HDAC9: variants seen among roughly 807,000 people sequenced by gnomAD.
HDAC9 encodes MEF-2 interacting transcription repressor (MITR) protein.
Under a neutral mutation model 139.4 loss-of-function variants are expected in HDAC9, and 41 were observed. The observed-to-expected ratio is 0.29, with a 90% CI of 0.23 to 0.38. The LOEUF is 0.38. Among genes scored for constraint, HDAC9 ranks in the 10% least tolerant of loss-of-function variants. The pLI is 1.00. For missense variants in HDAC9, 1,147 were observed against 1,297.0 expected, an observed-to-expected ratio of 0.88 and a Z score of 1.78; for synonymous variants, 517 against 476.2, an observed-to-expected ratio of 1.09 and a Z score of -1.12.
At chr7:18,871,011 C>T (rs1415347008) in intron 21 of HDAC9, among the ~76,000 whole-genome samples, 1 of 152,158 alleles carries the variant, frequency 6.6e-6, no homozygotes, top group East Asian at 1.9e-4. Flanking sequence ...TCAGTTATTT[C>T]TGCCTTGTTC....
At chr7:18,836,355 C>T (rs2129211552) in intron 21 of HDAC9, among the ~76,000 whole-genome samples, 1 of 152,242 alleles carries the variant, frequency 6.6e-6, no homozygotes, top group South Asian at 2.1e-4. Flanking sequence ...TTTTGTTGAA[C>T]AAGCATTTCT....
intron 1 of HDAC9, among the ~76,000 whole-genome samples, chr7:18,294,552 AAG>A (rs1473743489): frequency 1.3e-5 from 2 of 152,122 alleles, no homozygotes; most frequent in African/African-American, 4.8e-5. Context: ...CTCTTTGAGA[AAG>A]AGAGTAAAGG....
intron 21 of HDAC9, among the ~76,000 whole-genome samples, chr7:18,841,583 G>C (rs1467134335): frequency 6.6e-6 from 1 of 152,126 alleles, no homozygotes; most frequent in African/African-American, 2.4e-5. Flanking sequence ...GGGCTTCTGA[G>C]GCAGCAAGTG....
chr7:18,463,429 A>T (rs1794015663), intron 1 of HDAC9, among the ~76,000 whole-genome samples: 1 of 151,942 alleles, frequency 6.6e-6, no homozygotes. Flanking sequence ...TTTTATGACT[A>T]TTCAAATACT....
chr7:18,274,644 T>C (rs1796600417), intron 2 of HDAC9, among the ~76,000 whole-genome samples: 1 of 152,134 alleles, frequency 6.6e-6, no homozygotes, highest in Admixed American at 6.6e-5. Context: ...AATGGATAAA[T>C]AATTTGAGAT....
intron 24 of HDAC9, among the ~76,000 whole-genome samples, chr7:18,968,434 T>C (rs1209864791): frequency 6.6e-6 from 1 of 151,950 alleles, no homozygotes; most frequent in Non-Finnish European, 1.5e-5. Flanking sequence ...CAGATAGAGA[T>C]AGAGAGATAT....
intron 2 of HDAC9, among the ~76,000 whole-genome samples, chr7:18,272,283 A>T (rs574753418): frequency 6.6e-6 from 1 of 152,288 alleles, no homozygotes; most frequent in South Asian, 2.1e-4. Flanking sequence ...AGCCTCCTGA[A>T]TGTATTTAGA....
intron 6 of HDAC9, among the ~76,000 whole-genome samples, chr7:18,604,611 G>T (rs1834932507): frequency 6.6e-6 from 1 of 151,914 alleles, no homozygotes; most frequent in African/African-American, 2.4e-5. Context: ...ATGTTAGCCA[G>T]GATGGTCTTG....
At position 18,845,626 on chromosome 7, in the gene HDAC9, A is replaced by C. The variant is rs558474424; in HGVS notation, c.2684+9629A>C. On this transcript the variant is annotated intron_variant, in intron 21 of 25. Coordinates refer to ENST00000686413, the MANE Select transcript of HDAC9 (RefSeq NM_178425.4). ...ACCAAAGTGTCATTTTAAGAACAAC[A>C]GAAGCAGAGCTGTTTGGTCTCATAG... Among the ~76,000 whole-genome samples the C allele has an allele frequency of 6.8e-4, 103 of 152,226 alleles. 1 individual carries two copies. In the Middle Eastern group the frequency reaches 0.034, roughly 50 times the overall value.
At chr7:18,755,830 T>A (rs1374781633) in intron 14 of HDAC9, among the ~76,000 whole-genome samples, 1 of 152,154 alleles carries the variant, frequency 6.6e-6, no homozygotes, top group East Asian at 1.9e-4. Context: ...AAATAAGTCG[T>A]AGTGACTGAA....
chr7:18,777,514 T>A lies in HDAC9; in HGVS notation c.2214+10359T>A, dbSNP rs1585019455. Among the ~76,000 whole-genome samples, 7 of 151,978 alleles carry A rather than the reference T, an allele frequency of 4.6e-5. No homozygotes were observed. The South Asian group carries it at 1.5e-3, about 31-fold the overall frequency. On this transcript the variant is annotated intron_variant, in intron 16 of 25. Transcript: ENST00000686413. ...TAGAATGGACCAAATAATGATGACG[T>A]CTCAATTTCTATATGCCCAGTTTCG...
At chr7:18,733,337 A>G (rs535730281) in intron 13 of HDAC9, among the ~76,000 whole-genome samples, 34 of 149,864 alleles carry the variant, frequency 2.3e-4, no homozygotes, top group African/African-American at 6.1e-4. Flanking sequence ...ATATATGTGT[A>G]TGTGTGTGTG....
chr7:18,980,151 A>G lies in HDAC9; in HGVS notation c.3170+4198A>G, dbSNP rs1784806069. 2.6e-5 allele frequency among the ~76,000 whole-genome samples: 4 copies of G among 152,042 alleles called. No individual in the cohort carries two copies. In the South Asian group the frequency reaches 8.3e-4, roughly 31 times the overall value. ...CCATCATTTTATCTCTATTTTCCCA[A>G]CGTGTCTAACATGTGGTCTTGAGGT... On this transcript the variant is annotated intron_variant, in intron 25 of 25. Transcript: ENST00000686413.
chr7:18,587,204 AGG>A (rs1829723104), intron 3 of HDAC9, among the ~76,000 whole-genome samples: 1 of 152,186 alleles, frequency 6.6e-6, no homozygotes, highest in African/African-American at 2.4e-5. Context: ...TTTACTCAAA[AGG>A]TAATAGTAGC....
chr7:18,162,767 C>T (rs1787727231), intron 2 of HDAC9: 1 of 176,738 alleles, frequency 5.7e-6, no homozygotes, highest in Admixed American at 5.9e-5. Context: ...ATCTCTTTGA[C>T]ACACAGGAAG....
At chr7:18,507,487 C>T (rs970467741) in intron 2 of HDAC9, among the ~76,000 whole-genome samples, 7 of 150,442 alleles carry the variant, frequency 4.7e-5, no homozygotes, top group Non-Finnish European at 1.0e-4. Context: ...GCCACCGCAC[C>T]CGGCTATTAT....
At chr7:18,993,663 C>T (rs1271733195) in intron 25 of HDAC9, among the ~76,000 whole-genome samples, 2 of 151,666 alleles carry the variant, frequency 1.3e-5, no homozygotes, top group African/African-American at 2.4e-5. Flanking sequence ...ATTAGCCCAG[C>T]ATGGTGGCAC....
chr7:18,360,647 T>G (rs953422952), intron 1 of HDAC9, among the ~76,000 whole-genome samples: 25 of 152,206 alleles, frequency 1.6e-4, no homozygotes, highest in Admixed American at 9.2e-4. Context: ...TATTCTTTCC[T>G]CAAAGAGTAA....
Position 18,464,153 on chromosome 7 carries a change from C to T in HDAC9, c.-41-32109C>T, listed in dbSNP as rs180880926. 7.7e-3 allele frequency among the ~76,000 whole-genome samples: 1,174 copies of T among 152,018 alleles called. 15 individuals carry two copies. The highest frequency in any genetic ancestry group is 0.027 in the African/African-American group (1,110 of 41,534). The stretch of plus-strand genomic sequence containing the variant: ...TTTTTATGGTGCTAATTTAACTACA[C>T]TGGTTTTCTTTTGGTTAGTGTTTGC... On this transcript the variant is annotated intron_variant, in intron 1 of 3. Coordinates refer to the HDAC9 transcript ENST00000413509.
Sources: gnomAD v4.1 joint callset for allele counts (sites outside exome capture counted in the v4.1 genomes callset) on GRCh38, gnomAD v4.1.1 for gene constraint, MANE v1.5 for transcripts, NCBI Gene and HGNC (gene_info 2026-07-23, HGNC 2026-07-21) for gene names.